Variants in RSPO4 observed in about 807,000 individuals in gnomAD.
RSPO4 encodes the protein R-spondin-4.
Under a neutral mutation model 24.8 loss-of-function variants are expected in RSPO4, and 23 were observed. The ratio of observed to expected loss-of-function variants is 0.93; its 90% CI spans 0.67 to 1.31. The LOEUF is 1.31. Among genes scored for constraint, RSPO4 ranks in the 40% most tolerant of loss-of-function variants. The pLI is 0.00. For synonymous variants in RSPO4, 141 were observed against 127.4 expected (o/e 1.11, Z -0.72); for missense variants, 333 against 316.5 (o/e 1.05, Z -0.39).
At chr20:966,964 A>G (rs920239014) in intron 3 of RSPO4, among the ~76,000 whole-genome samples, 1 of 152,234 alleles carries the variant, frequency 6.6e-6, no homozygotes, top group Non-Finnish European at 1.5e-5. Context: ...TGGTTGTAGT[A>G]GTAATCATAG....
intron 4 of RSPO4, among the ~76,000 whole-genome samples, chr20:961,698 G>A (rs974191737): frequency 3.9e-5 from 6 of 152,042 alleles, no homozygotes; most frequent in African/African-American, 1.4e-4. Context: ...CTGATGTGGG[G>A]GTGTGGGGGC....
At position 960,337 on chromosome 20, in the gene RSPO4, A is replaced by C. The variant is rs1265639200; in HGVS notation, c.*20T>G. On this transcript the variant is annotated 3_prime_UTR_variant, in exon 5 of 5. Transcript: ENST00000217260. ...TGCAGGGGCCGAGGACTAGGACCAGAGAGTCGGGAGAGCCGGCGGTCAGGG... is the reference window on the plus strand; with the variant it reads ...TGCAGGGGCCGAGGACTAGGACCAGCGAGTCGGGAGAGCCGGCGGTCAGGG... 2.6e-6 allele frequency: 4 copies of C among 1,511,014 alleles called. No homozygotes were observed. Among genetic ancestry groups the C allele is most frequent in the Non-Finnish European group, 3.6e-6 (4 of 1,123,952 alleles). 93.6% of individuals were successfully genotyped at this position (1,511,014 alleles called of 1,614,324 possible).
chr20:984,002 A>G (rs1301196498), intron 1 of RSPO4, among the ~76,000 whole-genome samples: 2 of 152,134 alleles, frequency 1.3e-5, no homozygotes, highest in Admixed American at 1.3e-4. Context: ...AATAGGTCCA[A>G]AATAAATACC....
intron 1 of RSPO4, among the ~76,000 whole-genome samples, chr20:982,001 GT>G (rs1984749536): frequency 6.6e-6 from 1 of 152,188 alleles, no homozygotes; most frequent in African/African-American, 2.4e-5. Flanking sequence ...TTACATTTGT[GT>G]TTCTGGTGGG....
intron 1 of RSPO4, among the ~76,000 whole-genome samples, chr20:995,925 GCA>G (rs1985267960): frequency 2.0e-5 from 3 of 152,266 alleles, no homozygotes; most frequent in South Asian, 2.1e-4. Flanking sequence ...ATATGTGCAT[GCA>G]CACTCACCCA....
chr20:969,144 T>C (rs566016350), intron 1 of RSPO4, among the ~76,000 whole-genome samples: 260 of 152,282 alleles, frequency 1.7e-3, no homozygotes, highest in Middle Eastern at 6.8e-3. Context: ...GGCGAGGCCC[T>C]GTCTCTACAA....
chr20:964,793 T>TACACACACAC (rs1320914818), intron 3 of RSPO4, among the ~76,000 whole-genome samples: 1 of 104,032 alleles, frequency 9.6e-6, no homozygotes, highest in Non-Finnish European at 1.6e-5. Flanking sequence ...TATATACACA[T>TACACACACAC]ATATACACAC....
Position 968,117 on chromosome 20 carries a change from T to A in RSPO4, c.101A>T (p.Asn34Ile). 1 of 1,614,040 alleles carries A rather than the reference T, an allele frequency of 6.2e-7. No homozygotes were observed. Among genetic ancestry groups the A allele is most frequent in the East Asian group, 2.2e-5 (1 of 44,872 alleles). The change falls in exon 2 of 5, where the codon AAC becomes ATC. Residue 34 changes from asparagine (N) to isoleucine (I), a missense_variant. Transcript: ENST00000217260. Reference protein sequence around the residue: ...KKQVGTGLGGNCTGCIICSEE... With the variant: ...KKQVGTGLGGICTGCIICSEE... Reference sequence around the variant, plus strand: ...TGAGCAGATGATACAGCCTGTGCAGTTGCCCCCCAGGCCAGTGCCCACTGC... The same window carrying A: ...TGAGCAGATGATACAGCCTGTGCAGATGCCCCCCAGGCCAGTGCCCACTGC...
At position 970,409 on chromosome 20, in the gene RSPO4, G is replaced by A. The variant is rs1984370654; in HGVS notation, c.80-2271C>T. Reference sequence around the variant, plus strand: ...TCTTTCTGTTGCTTATAACTCAGGAGGCTTACTGATCCAGGGTCGTACGGA... The same window carrying A: ...TCTTTCTGTTGCTTATAACTCAGGAAGCTTACTGATCCAGGGTCGTACGGA... On this transcript the variant is annotated intron_variant, in intron 1 of 4. Coordinates refer to ENST00000217260, the MANE Select transcript of RSPO4 (RefSeq NM_001029871.4). This position sits in a 1 kb window ranked among gnomAD's most constrained non-coding sequence, Gnocchi z 4.1. Among the ~76,000 whole-genome samples the A allele has an allele frequency of 6.6e-6, 1 of 152,092 alleles. No individual in the cohort carries two copies. The highest frequency in any genetic ancestry group is 2.1e-4 in the South Asian group (1 of 4,828).
In RSPO4 at chr20:960,009, T is replaced by C. The variant is rs1983933447; in HGVS notation, c.*348A>G. 2 of 368,280 alleles carry C rather than the reference T, an allele frequency of 5.4e-6. No homozygotes were observed. The highest frequency in any genetic ancestry group is 2.1e-5 in the African/African-American group (1 of 47,692). 22.8% of individuals were successfully genotyped at this position (368,280 alleles called of 1,614,324 possible). A position where few individuals can be genotyped will look rare whatever the true frequency, so the allele number is the denominator to read the frequency against. On this transcript the variant is annotated 3_prime_UTR_variant, in exon 5 of 5. Transcript: ENST00000217260. The stretch of plus-strand genomic sequence containing the variant: ...CACAGGCTCATGGTCCCTCTTAAAG[T>C]GTGTGTGAGAGGGAGACAAGAGGAG...
At position 981,599 on chromosome 20, in the gene RSPO4, A is replaced by G. The variant is rs554900322; in HGVS notation, c.80-13461T>C. 3.3e-5 allele frequency among the ~76,000 whole-genome samples: 5 copies of G among 152,334 alleles called. No individual in the cohort carries two copies. The highest frequency in any genetic ancestry group is 4.1e-4 in the South Asian group (2 of 4,834). ...GGCAACCTGACTCCTTTCGCCACTC[A>G]TAGGAGGGGCATTTCCCCAAGCAGC... On this transcript the variant is annotated intron_variant, in intron 1 of 4. Transcript: ENST00000217260. This position sits in a 1 kb window ranked among gnomAD's most constrained non-coding sequence, Gnocchi z 4.6.
intron 4 of RSPO4, among the ~76,000 whole-genome samples, chr20:962,717 A>C (rs1984042054): frequency 6.6e-6 from 1 of 152,122 alleles, no homozygotes; most frequent in Admixed American, 6.5e-5. Context: ...CTGAGTTCAA[A>C]TCCTGGCTCC....
rs1021380061 is a variant in RSPO4 at position 960,238 on chromosome 20, A to G, written c.*119T>C. The G allele has an allele frequency of 2.9e-6, 2 of 681,810 alleles. No individual in the cohort carries two copies. Among genetic ancestry groups the G allele is most frequent in the African/African-American group, 3.6e-5 (2 of 55,740 alleles). The allele number at this position is 681,810 out of a possible 1,614,324, so 42.2% of individuals were successfully genotyped here. A position where few individuals can be genotyped will look rare whatever the true frequency, so the allele number is the denominator to read the frequency against. The stretch of plus-strand genomic sequence containing the variant: ...ACAGAAAAATGATAGAAGGGTGGAA[A>G]GAAAGAGAGGACAAATGGAGAAGAC... On this transcript the variant is annotated 3_prime_UTR_variant, in exon 5 of 5. Coordinates refer to ENST00000217260, the MANE Select transcript of RSPO4 (RefSeq NM_001029871.4).
intron 3 of RSPO4, among the ~76,000 whole-genome samples, chr20:966,371 AC>A (rs1250924630): frequency 6.6e-6 from 1 of 152,182 alleles, no homozygotes; most frequent in Non-Finnish European, 1.5e-5. Flanking sequence ...TGGCTGCTGT[AC>A]TGAGCACTTT....
At chr20:992,182 TACGCAC>T (rs1181751312) in intron 1 of RSPO4, among the ~76,000 whole-genome samples, 3 of 151,780 alleles carry the variant, frequency 2.0e-5, no homozygotes, top group African/African-American at 7.3e-5. Context: ...GCTGGCAACA[TACGCAC>T]ACGCACACGG....
At chr20:980,382 C>G (rs538641659) in intron 1 of RSPO4, among the ~76,000 whole-genome samples, 1 of 152,160 alleles carries the variant, frequency 6.6e-6, no homozygotes, top group Non-Finnish European at 1.5e-5. Context: ...TCACCTGAGA[C>G]AGGAAATTGG....
intron 1 of RSPO4, among the ~76,000 whole-genome samples, chr20:999,332 C>A (rs180956350): frequency 6.6e-6 from 1 of 152,090 alleles, no homozygotes; most frequent in Non-Finnish European, 1.5e-5. Flanking sequence ...TCTGTCTCCA[C>A]CTCTTCAGCA....
At chr20:979,368 G>T (rs534956596) in intron 1 of RSPO4, among the ~76,000 whole-genome samples, 1 of 152,320 alleles carries the variant, frequency 6.6e-6, no homozygotes, top group South Asian at 2.1e-4. Context: ...GGACAAGAGT[G>T]ATTCCTTCTT....
intron 1 of RSPO4, among the ~76,000 whole-genome samples, chr20:974,575 C>A (rs1167251222): frequency 1.3e-5 from 2 of 152,210 alleles, no homozygotes; most frequent in Non-Finnish European, 1.5e-5. Context: ...GCATCAGGTC[C>A]CCTTGACTAC....
Sources: gnomAD v4.1 joint callset for allele counts (sites outside exome capture counted in the v4.1 genomes callset) on GRCh38, gnomAD v4.1.1 for gene constraint, Gnocchi (gnomAD v3.1) non-coding constraint, MANE v1.5 for transcripts, NCBI Gene and HGNC (gene_info 2026-07-23, HGNC 2026-07-21) for gene names.